CKS1B: variants seen among roughly 807,000 people sequenced by gnomAD.
CKS1B encodes the protein cyclin-dependent kinases regulatory subunit 1.
CKS1B carries 5 observed loss-of-function variants against 12.2 expected under a neutral mutation model. That is an observed-to-expected ratio of 0.41 (90% CI 0.21 to 0.86). The LOEUF (loss-of-function observed/expected upper bound fraction) is 0.86. CKS1B is among the 40% of genes least tolerant of loss of function. The pLI, the probability that CKS1B is intolerant of heterozygous loss-of-function variation, is 0.32. For synonymous variants in CKS1B, 24 were observed against 34.4 expected, an observed-to-expected ratio of 0.70 and a Z score of 1.06; for missense variants, 53 against 99.9, an observed-to-expected ratio of 0.53 and a Z score of 2.00.
At chr1:154,974,945 G>C (rs1310430583) in intron 1 of CKS1B, 141 bp downstream of exon 1, 38 of 1,613,182 alleles carry the variant, frequency 2.4e-5, no homozygotes, top group Non-Finnish European at 2.7e-5. Context: ...TATTGTGGAA[G>C]GCGTAAGGCG....
intron 2 of CKS1B, 136 bp downstream of exon 2, chr1:154,978,250 T>TAA: frequency 3.0e-6 from 3 of 987,444 alleles, no homozygotes; most frequent in Non-Finnish European, 4.3e-6. Context: ...GGGATTTTTT[T>TAA]AAAAAAAAAC....
intron 2 of CKS1B, chr1:154,978,407 G>A (rs1038365992): frequency 2.8e-5 from 15 of 533,920 alleles, no homozygotes; most frequent in African/African-American, 1.9e-4. Flanking sequence ...ATTCTCCATC[G>A]AAAACATTCT....
intron 1 of CKS1B, among the ~76,000 whole-genome samples, chr1:154,976,827 GT>G (rs1344540686): frequency 6.6e-6 from 1 of 152,198 alleles, no homozygotes; most frequent in African/African-American, 2.4e-5. Flanking sequence ...GGGAATCACT[GT>G]TACTAGCACA....
In CKS1B at chr1:154,974,867, A is replaced by G. The variant is rs1402443354; in HGVS notation, c.59+63A>G. 9 of 1,614,026 alleles carry G rather than the reference A, an allele frequency of 5.6e-6. No individual in the cohort carries two copies. The Admixed American group carries it at 1.5e-4, about 27-fold the overall frequency. ...GCTTTGGCCGCTGAGGGCACAAGGA[A>G]TTAGTAACAGGAACTGAGGCGATAG... On this transcript the variant is annotated intron_variant, in intron 1 of 2. Transcript: ENST00000308987.
At chr1:154,977,643 C>T (rs954518379) in intron 1 of CKS1B, 19 of 201,162 alleles carry the variant, frequency 9.4e-5, no homozygotes, top group African/African-American at 4.2e-4. Flanking sequence ...AATAACTTCT[C>T]TTCCTTCCTT....
At chr1:154,976,115 T>C (rs12084193) in intron 1 of CKS1B, among the ~76,000 whole-genome samples, 1 of 152,012 alleles carries the variant, frequency 6.6e-6, no homozygotes, top group Non-Finnish European at 1.5e-5. Flanking sequence ...GAAGAGGGAA[T>C]GTTGGGGAAA....
In CKS1B at chr1:154,974,710, G is replaced by A. The variant is rs368891492; in HGVS notation, c.-36G>A. The A allele has an allele frequency of 1.3e-4, 210 of 1,562,300 alleles. 1 individual carries two copies. The African/African-American group carries it at 2.3e-3, about 17-fold the overall frequency. ...GCTGTTGGGAGTTGCTTGGAGGTTG[G>A]CGGCGCGGGGCTGAAGGCTAGCAAA... On this transcript the variant is annotated 5_prime_UTR_variant, in exon 1 of 3. Coordinates refer to ENST00000308987, the MANE Select transcript of CKS1B (RefSeq NM_001826.3).
chr1:154,978,225 C>G, intron 2 of CKS1B, 111 bp downstream of exon 2: 1 of 1,115,278 alleles, frequency 9.0e-7, no homozygotes, highest in Admixed American at 3.4e-5. Context: ...TGGTTCCTTC[C>G]CCCTCCAGTC....
chr1:154,974,864 G>A, intron 1 of CKS1B, 60 bp downstream of exon 1: 2 of 1,614,090 alleles, frequency 1.2e-6, no homozygotes, highest in South Asian at 1.1e-5. Flanking sequence ...GAGGGCACAA[G>A]GAATTAGTAA....
At chr1:154,975,232 A>C (rs975913014) in intron 1 of CKS1B, 20 of 540,094 alleles carry the variant, frequency 3.7e-5, no homozygotes, top group Middle Eastern at 9.7e-4. Context: ...GAGAGAGTTG[A>C]ATATTGCTTA....
chr1:154,978,023 C>G lies in CKS1B; in HGVS notation c.96C>G (p.Val32=), dbSNP rs1339701033. 1 of 1,613,910 alleles carries G rather than the reference C, an allele frequency of 6.2e-7. No homozygotes were observed. The highest frequency in any genetic ancestry group is 8.5e-7 in the Non-Finnish European group (1 of 1,179,958). ...TGCCCAAGGACATAGCCAAGCTGGT[C>G]CCTAAAACCCATCTGATGTCTGAAT... ...VMLPKDIAKL[V]PKTHLMSESE... The change falls in exon 2 of 3, where the codon GTC becomes GTG. Residue 32 remains valine (V), a synonymous_variant. Coordinates refer to ENST00000308987, the MANE Select transcript of CKS1B (RefSeq NM_001826.3).
intron 1 of CKS1B, among the ~76,000 whole-genome samples, chr1:154,977,011 G>T (rs559356434): frequency 4.6e-5 from 7 of 152,244 alleles, no homozygotes; most frequent in Admixed American, 4.6e-4. Flanking sequence ...AGGAAAATAA[G>T]ATTCAGGATA....
At chr1:154,978,243 A>AT (rs1657238321) in intron 2 of CKS1B, 129 bp downstream of exon 2, 39 of 1,019,266 alleles carry the variant, frequency 3.8e-5, no homozygotes, top group South Asian at 3.5e-4. Context: ...GTCGTGGGGG[A>AT]TTTTTTTAAA....
rs896999188 is a variant in CKS1B at position 154,977,883 on chromosome 1, A to G, written c.60-104A>G. On this transcript the variant is annotated intron_variant, in intron 1 of 2. Coordinates refer to ENST00000308987, the MANE Select transcript of CKS1B (RefSeq NM_001826.3). Reference sequence around the variant, plus strand: ...TAAAATTATATAAACTCTGACATCAAAAACCAGTTTTTCTTTCCTTTCTTG... The same window carrying G: ...TAAAATTATATAAACTCTGACATCAGAAACCAGTTTTTCTTTCCTTTCTTG... 7.9e-6 allele frequency: 10 copies of G among 1,263,688 alleles called. No homozygotes were observed. The Admixed American group carries it at 2.4e-4, about 30-fold the overall frequency. 78.3% of individuals were successfully genotyped at this position (1,263,688 alleles called of 1,614,324 possible). A position where few individuals can be genotyped will look rare whatever the true frequency, so the allele number is the denominator to read the frequency against.
chr1:154,978,693 G>C, intron 2 of CKS1B, 32 bp from the exon 3 acceptor site: 1 of 1,604,500 alleles, frequency 6.2e-7, no homozygotes, highest in Non-Finnish European at 8.5e-7. Flanking sequence ...AATGGTGTGA[G>C]CTTGTCTCTT....
At chr1:154,974,871 G>T in intron 1 of CKS1B, 67 bp downstream of exon 1, 1 of 1,614,054 alleles carries the variant, frequency 6.2e-7, no homozygotes, top group Non-Finnish European at 8.5e-7. Flanking sequence ...CAAGGAATTA[G>T]TAACAGGAAC....
Position 154,974,765 on chromosome 1 carries a change from A to G in CKS1B, c.20A>G (p.Tyr7Cys). 1 of 1,611,636 alleles carries G rather than the reference A, an allele frequency of 6.2e-7. No homozygotes were observed. The highest frequency in any genetic ancestry group is 8.5e-7 in the Non-Finnish European group (1 of 1,178,846). MSHKQI[Y>C]YSDKYDDEEF... ...GCGATCATGTCGCACAAACAAATTTACTATTCGGACAAATACGACGACGAG... is the reference window on the plus strand; with the variant it reads ...GCGATCATGTCGCACAAACAAATTTGCTATTCGGACAAATACGACGACGAG... The change falls in exon 1 of 3, where the codon TAC becomes TGC. Residue 7 changes from tyrosine to cysteine, a missense_variant. Tyr to Cys is a radical substitution (Grantham distance 194). Transcript: ENST00000308987.
In CKS1B at chr1:154,977,973, C is replaced by G. The variant is rs770032813; in HGVS notation, c.60-14C>G. On this transcript the variant is annotated splice_polypyrimidine_tract_variant and intron_variant, in intron 1 of 2. Transcript: ENST00000308987. ...TACTAACATAAATTCCCCACTTCCC[C>G]GTTTCTGTTACAGACATGTCATGCT... 1 of 1,610,274 alleles carries G rather than the reference C, an allele frequency of 6.2e-7. No homozygotes were observed. Among genetic ancestry groups the G allele is most frequent in the South Asian group, 1.1e-5 (1 of 90,566 alleles).
intron 1 of CKS1B, chr1:154,975,594 T>G (rs570078452): frequency 6.5e-6 from 1 of 155,024 alleles, no homozygotes; most frequent in Non-Finnish European, 1.5e-5. Context: ...ACCCGAAGGC[T>G]GCGGCTTCCT....
Sources: allele counts gnomAD v4.1 joint callset (sites outside exome capture counted in the v4.1 genomes callset), GRCh38; gene constraint gnomAD v4.1.1; transcripts MANE v1.5; gene names NCBI Gene and HGNC (gene_info 2026-07-23, HGNC 2026-07-21).